Variants in UBE2H observed in about 807,000 individuals in gnomAD.
UBE2H encodes ubiquitin conjugating enzyme E2 H.
Under a neutral mutation model 29.0 loss-of-function variants are expected in UBE2H, and 3 were observed. That is an observed-to-expected ratio of 0.10 (90% CI 0.05 to 0.27). UBE2H has a LOEUF of 0.27. Ranked by LOEUF, UBE2H falls within the 10% of genes least tolerant of loss-of-function variation. The pLI, the probability that UBE2H is intolerant of heterozygous loss-of-function variation, is 1.00. For missense variants in UBE2H, 68 were observed against 228.2 expected (o/e 0.30, Z 4.52); for synonymous variants, 69 against 82.9 (o/e 0.83, Z 0.91).
At chr7:129,905,951 C>T (rs572048445) in intron 1 of UBE2H, among the ~76,000 whole-genome samples, 9 of 151,608 alleles carry the variant, frequency 5.9e-5, no homozygotes, top group African/African-American at 1.2e-4. Context: ...GGCCACTGAG[C>T]GAGACACTGT....
intron 5 of UBE2H, among the ~76,000 whole-genome samples, chr7:129,848,767 T>C (rs1157964093): frequency 6.6e-6 from 1 of 151,542 alleles, no homozygotes; most frequent in Non-Finnish European, 1.5e-5. Flanking sequence ...AACCATGAAA[T>C]CTCATTCATT....
chr7:129,946,984 C>T (rs1807777777), intron 1 of UBE2H, among the ~76,000 whole-genome samples: 1 of 152,022 alleles, frequency 6.6e-6, no homozygotes, highest in Non-Finnish European at 1.5e-5. Context: ...GAAAAGAATA[C>T]CAATGTTTAA....
intron 1 of UBE2H, among the ~76,000 whole-genome samples, chr7:129,891,255 G>A (rs1055007735): frequency 6.6e-6 from 1 of 151,092 alleles, no homozygotes; most frequent in African/African-American, 2.4e-5. Context: ...GTGCCATCTT[G>A]GCTCACCGCA....
At chr7:129,900,924 G>T (rs777708283) in intron 1 of UBE2H, among the ~76,000 whole-genome samples, 1 of 151,834 alleles carries the variant, frequency 6.6e-6, no homozygotes, top group African/African-American at 2.4e-5. Flanking sequence ...CTAATTTTTT[G>T]TATTTTTAGT....
chr7:129,874,161 A>G (rs1304767315), intron 3 of UBE2H, among the ~76,000 whole-genome samples: 1 of 152,128 alleles, frequency 6.6e-6, no homozygotes, highest in Non-Finnish European at 1.5e-5. Context: ...TGTAAGATAA[A>G]ATGACATCTT....
At chr7:129,943,756 G>T (rs1180374746) in intron 1 of UBE2H, among the ~76,000 whole-genome samples, 1 of 152,172 alleles carries the variant, frequency 6.6e-6, no homozygotes, top group African/African-American at 2.4e-5. Context: ...ACAAAAATTA[G>T]CTGGGTGTGG....
At chr7:129,928,999 C>T (rs988860624) in intron 1 of UBE2H, among the ~76,000 whole-genome samples, 3 of 152,058 alleles carry the variant, frequency 2.0e-5, no homozygotes, top group Non-Finnish European at 4.4e-5. Context: ...GTCAATTGCC[C>T]AGAGTCAATT....
chr7:129,865,935 A>G (rs1395992595), intron 3 of UBE2H, among the ~76,000 whole-genome samples: 2 of 152,144 alleles, frequency 1.3e-5, no homozygotes, highest in African/African-American at 2.4e-5. Flanking sequence ...GGGTGTTCCA[A>G]TTGAGTAAGG....
intron 3 of UBE2H, among the ~76,000 whole-genome samples, chr7:129,874,988 G>A (rs1806118862): frequency 6.6e-6 from 1 of 152,168 alleles, no homozygotes; most frequent in Non-Finnish European, 1.5e-5. Flanking sequence ...AAACACGTGG[G>A]TTAGGCAGGT....
chr7:129,943,396 T>C (rs1008205762), intron 1 of UBE2H, among the ~76,000 whole-genome samples: 2 of 152,194 alleles, frequency 1.3e-5, no homozygotes, highest in African/African-American at 4.8e-5. Flanking sequence ...ACAAAAATAT[T>C]TCACAATAAA....
At chr7:129,949,974 A>G (rs916069482) in intron 1 of UBE2H, among the ~76,000 whole-genome samples, 3 of 151,856 alleles carry the variant, frequency 2.0e-5, no homozygotes, top group Non-Finnish European at 4.4e-5. Context: ...ATCTTTCTCA[A>G]CCCCCAGCCT....
chr7:129,854,304 TAATTG>T lies in UBE2H; in HGVS notation c.298+3202_298+3206del, dbSNP rs1397304894. Among the ~76,000 whole-genome samples the T allele has an allele frequency of 1.9e-4, 29 of 152,230 alleles. 1 individual carries two copies. The highest frequency in any genetic ancestry group is 1.9e-3 in the Admixed American group (29 of 15,286). On this transcript the variant is annotated intron_variant, in intron 5 of 6. Transcript: ENST00000355621. ...GAACATATTCTACCAGTACTTTATA[TAATTG>T]TATTTACCTGTTCCTAAAACTTTCC...
At chr7:129,873,020 GTT>G (rs10677960) in intron 3 of UBE2H, among the ~76,000 whole-genome samples, 202 of 139,676 alleles carry the variant, frequency 1.4e-3, no homozygotes, top group African/African-American at 4.5e-3. Context: ...ATAGCTCAGA[GTT>G]TTTTTTTTTT....
chr7:129,839,058 T>C, intron 6 of UBE2H, 149 bp downstream of exon 6: 5 of 1,154,762 alleles, frequency 4.3e-6, no homozygotes, highest in Non-Finnish European at 6.0e-6. Context: ...CCACCCGAGG[T>C]TGGTGAGCAC....
intron 6 of UBE2H, among the ~76,000 whole-genome samples, chr7:129,835,989 T>A (rs1442536167): frequency 2.6e-4 from 40 of 152,216 alleles, no homozygotes; most frequent in African/African-American, 8.9e-4. Flanking sequence ...TTTTAAAAAC[T>A]GTCTTAAAAA....
At chr7:129,949,057 C>T (rs1374989720) in intron 1 of UBE2H, 1 of 456,552 alleles carries the variant, frequency 2.2e-6, no homozygotes, top group South Asian at 1.5e-5. Flanking sequence ...CTTTTGCCTG[C>T]ATACGCTTTT....
chr7:129,920,901 G>C (rs999257465), intron 1 of UBE2H, among the ~76,000 whole-genome samples: 1 of 150,258 alleles, frequency 6.7e-6, no homozygotes, highest in Non-Finnish European at 1.5e-5. Flanking sequence ...GTGTTGGCCG[G>C]GCACAGTGGC....
At position 129,879,564 on chromosome 7, in the gene UBE2H, A is replaced by T; in HGVS notation, c.205+4T>A. 1.9e-6 allele frequency: 3 copies of T among 1,610,420 alleles called. No homozygotes were observed. The highest frequency in any genetic ancestry group is 2.5e-6 in the Non-Finnish European group (3 of 1,178,708). On this transcript the variant is annotated splice_donor_region_variant and intron_variant, in intron 3 of 6. Coordinates refer to ENST00000355621, the MANE Select transcript of UBE2H (RefSeq NM_003344.4). Reference sequence around the variant, plus strand: ...CTAAGGAGAAAAACCAAGTAGTAACATACCTATAGATGGAGATTTGAAAGG... The same window carrying T: ...CTAAGGAGAAAAACCAAGTAGTAACTTACCTATAGATGGAGATTTGAAAGG...
intron 1 of UBE2H, among the ~76,000 whole-genome samples, chr7:129,905,289 C>G (rs1806793504): frequency 6.6e-6 from 1 of 151,764 alleles, no homozygotes. Context: ...CTGGTCACAA[C>G]AGATCTACGA....
Sources: allele counts gnomAD v4.1 joint callset (sites outside exome capture counted in the v4.1 genomes callset), GRCh38; gene constraint gnomAD v4.1.1; transcripts MANE v1.5; gene names NCBI Gene and HGNC (gene_info 2026-07-23, HGNC 2026-07-21).